TBC1D5: variants seen among roughly 807,000 people sequenced by gnomAD.
TBC1D5 encodes the protein TBC1 domain family, member 5.
Under a neutral mutation model 100.3 loss-of-function variants are expected in TBC1D5, and 75 were observed. The ratio of observed to expected loss-of-function variants is 0.75; its 90% CI spans 0.62 to 0.91. TBC1D5 has a LOEUF of 0.91. TBC1D5 is among the 40% of genes least tolerant of loss of function. TBC1D5 has a pLI of 0.00. For synonymous variants in TBC1D5, 323 were observed against 325.6 expected (o/e 0.99, Z 0.09); for missense variants, 910 against 942.4 (o/e 0.97, Z 0.45).
intron 1 of TBC1D5, among the ~76,000 whole-genome samples, chr3:17,715,316 C>T (rs996350552): frequency 1.2e-4 from 19 of 152,068 alleles, no homozygotes; most frequent in Admixed American, 5.2e-4. Flanking sequence ...TTAGTGGTTC[C>T]CATTTCTATT....
At chr3:17,719,926 C>T (rs1212083082) in intron 1 of TBC1D5, among the ~76,000 whole-genome samples, 1 of 152,022 alleles carries the variant, frequency 6.6e-6, no homozygotes, top group Non-Finnish European at 1.5e-5. Context: ...TTAGTATAAT[C>T]CTAACACTCT....
chr3:17,294,062 C>T (rs762632333), intron 14 of TBC1D5, among the ~76,000 whole-genome samples: 3 of 152,144 alleles, frequency 2.0e-5, no homozygotes, highest in Non-Finnish European at 2.9e-5. Flanking sequence ...TTTGAAAGGC[C>T]ATTGTTTTGA....
chr3:17,652,909 A>G (rs920148968), intron 1 of TBC1D5, among the ~76,000 whole-genome samples: 3 of 152,190 alleles, frequency 2.0e-5, no homozygotes, highest in African/African-American at 7.2e-5. Context: ...AAACAGCCCA[A>G]CTGTCCATCA....
chr3:17,542,773 A>G (rs538031660), intron 2 of TBC1D5, among the ~76,000 whole-genome samples: 3 of 152,214 alleles, frequency 2.0e-5, no homozygotes, highest in Admixed American at 6.5e-5. Context: ...ATCAATTTCC[A>G]TAAGATGAAT....
chr3:17,433,775 G>A (rs945771818), intron 3 of TBC1D5, among the ~76,000 whole-genome samples: 1 of 152,078 alleles, frequency 6.6e-6, no homozygotes, highest in Admixed American at 6.6e-5. Context: ...TCTGAGAAAG[G>A]CAAGTCCCTT....
rs367594350 is a variant in TBC1D5 at position 17,338,093 on chromosome 3, G to A, written c.996-29959C>T. ...TTAAATAAAACAAACTGAATAACAC[G>A]GTGATTTTAAATTTTGCAGAGTTCA... On this transcript the variant is annotated intron_variant, in intron 13 of 21. Transcript: ENST00000253692. Among the ~76,000 whole-genome samples, 123 of 152,134 alleles carry A rather than the reference G, an allele frequency of 8.1e-4. 2 individuals are homozygous for A. In the South Asian group the frequency reaches 0.012, roughly 15 times the overall value.
At chr3:17,530,805 A>C (rs1217812774) in intron 2 of TBC1D5, among the ~76,000 whole-genome samples, 3 of 152,196 alleles carry the variant, frequency 2.0e-5, no homozygotes, top group Non-Finnish European at 2.9e-5. Context: ...AAAAACTCCC[A>C]ATAAATTAGG....
At chr3:17,266,390 CTT>C (rs2078853718) in intron 15 of TBC1D5, among the ~76,000 whole-genome samples, 1 of 152,080 alleles carries the variant, frequency 6.6e-6, no homozygotes, top group African/African-American at 2.4e-5. Flanking sequence ...GACTTTGTAT[CTT>C]ATTTCTTATT....
intron 1 of TBC1D5, chr3:17,706,315 AG>A: frequency 6.8e-7 from 1 of 1,466,158 alleles, no homozygotes; most frequent in Non-Finnish European, 9.2e-7. Context: ...TGTTCAAACC[AG>A]AACTGTATAC....
chr3:17,498,910 T>C (rs1013581675), intron 3 of TBC1D5, among the ~76,000 whole-genome samples: 1 of 152,188 alleles, frequency 6.6e-6, no homozygotes, highest in African/African-American at 2.4e-5. Flanking sequence ...TTTATTATAT[T>C]GATGACTGTT....
At chr3:17,158,952 C>T (rs2065812834) in exon 22 of TBC1D5, 1 of 152,220 alleles carries the variant, frequency 6.6e-6, no homozygotes, top group Non-Finnish European at 1.5e-5. Flanking sequence ...TGACACCTTC[C>T]CAAGGTGAGA....
At chr3:17,256,831 C>T (rs772769754) in intron 16 of TBC1D5, among the ~76,000 whole-genome samples, 8 of 152,024 alleles carry the variant, frequency 5.3e-5, no homozygotes, top group Non-Finnish European at 8.8e-5. Flanking sequence ...TGAAGACAGG[C>T]AGGAGGTTAA....
intron 2 of TBC1D5, among the ~76,000 whole-genome samples, chr3:17,600,591 G>T (rs1479396924): frequency 1.3e-5 from 2 of 152,056 alleles, no homozygotes; most frequent in South Asian, 2.1e-4. Flanking sequence ...GTTCGATGAG[G>T]TTAAACTATT....
At chr3:17,167,631 T>TG in intron 20 of TBC1D5, 118 bp downstream of exon 21, 2 of 842,308 alleles carry the variant, frequency 2.4e-6, no homozygotes, top group South Asian at 3.1e-5. Flanking sequence ...GGGCTCTGTC[T>TG]GGGAGGAAAT....
chr3:17,447,247 C>T (rs941892070), intron 3 of TBC1D5, among the ~76,000 whole-genome samples: 9 of 151,958 alleles, frequency 5.9e-5, no homozygotes, highest in Admixed American at 4.6e-4. Flanking sequence ...GCTCAGAAAA[C>T]GAGAATAAAG....
chr3:17,531,290 C>T (rs1007749468), intron 2 of TBC1D5, among the ~76,000 whole-genome samples: 1 of 152,114 alleles, frequency 6.6e-6, no homozygotes. Context: ...ATGTGAAGGA[C>T]TTCTTCAAGG....
intron 2 of TBC1D5, among the ~76,000 whole-genome samples, chr3:17,519,815 T>C (rs1267867324): frequency 2.0e-5 from 3 of 152,168 alleles, no homozygotes; most frequent in Admixed American, 2.0e-4. Context: ...CTATTTGAGA[T>C]AAAAGATCTG....
intron 13 of TBC1D5, among the ~76,000 whole-genome samples, chr3:17,319,080 G>A (rs1353326857): frequency 6.6e-6 from 1 of 152,086 alleles, no homozygotes; most frequent in Admixed American, 6.6e-5. Flanking sequence ...ATTGTATTTC[G>A]GGCTAATGGA....
At position 17,545,677 on chromosome 3, in the gene TBC1D5, TTCA is replaced by T. The variant is rs147557450; in HGVS notation, c.-35-37075_-35-37073del. 3.1e-3 allele frequency among the ~76,000 whole-genome samples: 467 copies of T among 152,288 alleles called. 4 individuals carry two copies. The highest frequency in any genetic ancestry group is 0.011 in the African/African-American group (443 of 41,548). Reference sequence around the variant, plus strand: ...TAAGATTTTGGTGTTTTTTTCAATGTTCATTGACACAACATTCAATGGGTCACC... The same window carrying T: ...TAAGATTTTGGTGTTTTTTTCAATGTTTGACACAACATTCAATGGGTCACC... On this transcript the variant is annotated intron_variant, in intron 2 of 21. Transcript: ENST00000253692.
Sources: gnomAD v4.1 joint callset for allele counts (sites outside exome capture counted in the v4.1 genomes callset) on GRCh38, gnomAD v4.1.1 for gene constraint, MANE v1.5 for transcripts, NCBI Gene and HGNC (gene_info 2026-07-23, HGNC 2026-07-21) for gene names.